Variants in SNTB1 observed in about 807,000 individuals in gnomAD.
SNTB1 encodes the protein syntrophin beta 1, also known as beta-1-syntrophin.
A neutral mutation model predicts 48.9 loss-of-function variants in SNTB1; 36 were observed. The observed-to-expected ratio is 0.74, with a 90% CI of 0.56 to 0.97. The LOEUF is 0.97. Among genes scored for constraint, SNTB1 ranks in the 50% least tolerant of loss-of-function variants. The pLI is 0.00. For synonymous variants in SNTB1, 299 were observed against 294.6 expected, an observed-to-expected ratio of 1.01 and a Z score of -0.15; for missense variants, 786 against 703.4, an observed-to-expected ratio of 1.12 and a Z score of -1.33.
At chr8:120,649,305 C>T (rs1337659484) in intron 2 of SNTB1, among the ~76,000 whole-genome samples, 2 of 148,278 alleles carry the variant, frequency 1.3e-5, no homozygotes, top group African/African-American at 5.0e-5. Flanking sequence ...GTTTTATCTA[C>T]TTTTGGTCTT....
chr8:120,703,535 AG>A (rs1468814599), intron 1 of SNTB1, among the ~76,000 whole-genome samples: 1 of 152,208 alleles, frequency 6.6e-6, no homozygotes, highest in African/African-American at 2.4e-5. Flanking sequence ...AAGACCAAAG[AG>A]TCACAGATGA....
intron 2 of SNTB1, among the ~76,000 whole-genome samples, chr8:120,654,514 C>A (rs946659000): frequency 6.6e-6 from 1 of 152,112 alleles, no homozygotes; most frequent in Non-Finnish European, 1.5e-5. Flanking sequence ...TTATTCTCAC[C>A]CTCCACCACA....
At chr8:120,779,146 A>C (rs543898718) in intron 1 of SNTB1, among the ~76,000 whole-genome samples, 1 of 152,222 alleles carries the variant, frequency 6.6e-6, no homozygotes, top group African/African-American at 2.4e-5. Flanking sequence ...GGATCTAATC[A>C]AGGATTTTTG....
chr8:120,709,654 TA>T (rs1175882264), intron 1 of SNTB1, among the ~76,000 whole-genome samples: 1 of 152,188 alleles, frequency 6.6e-6, no homozygotes, highest in Non-Finnish European at 1.5e-5. Flanking sequence ...ATAACTTACC[TA>T]AGACCCTACA....
At chr8:120,596,254 A>T (rs970692806) in intron 3 of SNTB1, among the ~76,000 whole-genome samples, 1 of 151,818 alleles carries the variant, frequency 6.6e-6, no homozygotes. Context: ...ACAAAGGTCG[A>T]CATTCACTAA....
At chr8:120,691,652 T>C (rs1587092417) in intron 2 of SNTB1, among the ~76,000 whole-genome samples, 1 of 152,202 alleles carries the variant, frequency 6.6e-6, no homozygotes, top group African/African-American at 2.4e-5. Context: ...TCTTCCCACT[T>C]TTCTAGAAAA....
At chr8:120,663,331 T>A (rs1415228906) in intron 2 of SNTB1, among the ~76,000 whole-genome samples, 2 of 152,076 alleles carry the variant, frequency 1.3e-5, no homozygotes, top group African/African-American at 4.8e-5. Context: ...GGGGAGAGCA[T>A]CCCAAGAAGA....
intron 3 of SNTB1, among the ~76,000 whole-genome samples, chr8:120,586,044 A>G (rs1039617806): frequency 5.3e-5 from 8 of 152,218 alleles, no homozygotes; most frequent in African/African-American, 1.9e-4. Context: ...GCAGTGTTAC[A>G]CTAGCTACAT....
chr8:120,566,195 C>T (rs534105259), intron 4 of SNTB1, among the ~76,000 whole-genome samples: 189 of 151,984 alleles, frequency 1.2e-3, no homozygotes, highest in African/African-American at 4.4e-3. Context: ...CAAGTGTGGT[C>T]ATGGGTGCCT....
At chr8:120,579,481 A>G (rs1346426565) in intron 3 of SNTB1, among the ~76,000 whole-genome samples, 2 of 152,212 alleles carry the variant, frequency 1.3e-5, no homozygotes, top group South Asian at 2.1e-4. Context: ...ATTCAAGACC[A>G]GCCTGGCCAA....
intron 2 of SNTB1, among the ~76,000 whole-genome samples, chr8:120,679,964 T>C (rs1260862279): frequency 8.5e-5 from 13 of 152,196 alleles, no homozygotes; most frequent in African/African-American, 2.4e-4. Flanking sequence ...CTCCCATTCT[T>C]CAAGGAACTA....
intron 4 of SNTB1, chr8:120,571,044 A>G (rs908883186): frequency 4.5e-6 from 2 of 448,634 alleles, no homozygotes; most frequent in Non-Finnish European, 6.8e-6. Flanking sequence ...CCTTGTCCCA[A>G]TTATAACTCC....
At position 120,693,806 on chromosome 8, in the gene SNTB1, C is replaced by A; in HGVS notation, c.674G>T (p.Ser225Ile). The A allele has an allele frequency of 6.2e-7, 1 of 1,614,090 alleles. No individual in the cohort carries two copies. Among genetic ancestry groups the A allele is most frequent in the South Asian group, 1.1e-5 (1 of 91,076 alleles). ...CTGCGATGACGGGGGGTCTGAGGTG[C>A]TGCCCCCTAACCGAGGGGATTCAGG... ...PPPESPRLGG[S>I]TSDPPSSQSF... is the part of the protein sequence containing the mutation. Residue 225 changes from serine (S) to isoleucine (I), a missense_variant, in exon 2 of 7, where the codon AGC becomes ATC. Transcript: ENST00000517992.
chr8:120,607,512 C>T (rs559058149), intron 3 of SNTB1, among the ~76,000 whole-genome samples: 11 of 152,168 alleles, frequency 7.2e-5, no homozygotes, highest in East Asian at 3.9e-4. Context: ...CCCATTAACT[C>T]GTCATTTAAC....
chr8:120,811,961 G>T lies in SNTB1; in HGVS notation c.-118C>A. 5 of 1,273,860 alleles carry T rather than the reference G, an allele frequency of 3.9e-6. No individual in the cohort carries two copies. The highest frequency in any genetic ancestry group is 4.9e-6 in the Non-Finnish European group (5 of 1,015,170). The allele number at this position is 1,273,860 out of a possible 1,614,324, so 78.9% of individuals were successfully genotyped here. A position where few individuals can be genotyped will look rare whatever the true frequency, so the allele number is the denominator to read the frequency against. On this transcript the variant is annotated 5_prime_UTR_variant, in exon 1 of 7. Transcript: ENST00000517992. ...AGGAGAGTGCGTCCCGCGGGGAGGT[G>T]GCGGCACGCGGGACTCCGCTCCGGG...
At chr8:120,759,756 G>A (rs140434556) in intron 1 of SNTB1, among the ~76,000 whole-genome samples, 8 of 152,200 alleles carry the variant, frequency 5.3e-5, no homozygotes, top group Admixed American at 6.5e-5. Flanking sequence ...GAACCACTCC[G>A]TTAAATTCTT....
chr8:120,780,612 T>C (rs191879067), intron 1 of SNTB1, among the ~76,000 whole-genome samples: 2 of 152,240 alleles, frequency 1.3e-5, no homozygotes, highest in African/African-American at 4.8e-5. Context: ...CAAGAAACAG[T>C]AATGGTTTCA....
intron 2 of SNTB1, among the ~76,000 whole-genome samples, chr8:120,666,921 T>C (rs1817680911): frequency 6.6e-6 from 1 of 152,172 alleles, no homozygotes; most frequent in Admixed American, 6.5e-5. Flanking sequence ...ATTTCATGTT[T>C]TTACTTAACT....
chr8:120,644,791 T>G (rs1214481012), intron 2 of SNTB1, among the ~76,000 whole-genome samples: 2 of 148,938 alleles, frequency 1.3e-5, no homozygotes, highest in Non-Finnish European at 3.0e-5. Flanking sequence ...AGTGTAAAAG[T>G]GTTCCTGTTT....
Sources: allele counts gnomAD v4.1 joint callset (sites outside exome capture counted in the v4.1 genomes callset), GRCh38; gene constraint gnomAD v4.1.1; transcripts MANE v1.5; gene names NCBI Gene and HGNC (gene_info 2026-07-23, HGNC 2026-07-21).